LPP: variants seen among roughly 807,000 people sequenced by gnomAD.
LPP encodes the protein LIM domain containing preferred translocation partner in lipoma.
A neutral mutation model predicts 60.4 loss-of-function variants in LPP; 38 were observed. The observed-to-expected ratio is 0.63, with a 90% CI of 0.49 to 0.83. The LOEUF (loss-of-function observed/expected upper bound fraction) is 0.83, where lower values mean the gene tolerates loss of function less well. Among genes scored for constraint, LPP ranks in the 40% least tolerant of loss-of-function variants. The probability of loss-of-function intolerance (pLI) is 0.00; values close to 1 mark genes in which losing one functional copy is unlikely to be tolerated. For synonymous variants in LPP, 328 were observed against 290.8 expected, an observed-to-expected ratio of 1.13 and a Z score of -1.30; for missense variants, 902 against 783.6, an observed-to-expected ratio of 1.15 and a Z score of -1.80.
At chr3:188,308,369 A>G (rs2150226324) in intron 2 of LPP, among the ~76,000 whole-genome samples, 1 of 152,330 alleles carries the variant, frequency 6.6e-6, no homozygotes, top group East Asian at 1.9e-4. Flanking sequence ...AAGCAAGTAA[A>G]TGGGAATGTG....
At chr3:188,343,209 C>T (rs1249240809) in intron 3 of LPP, among the ~76,000 whole-genome samples, 2 of 152,106 alleles carry the variant, frequency 1.3e-5, no homozygotes, top group African/African-American at 4.8e-5. Context: ...TGTTCCCCTC[C>T]CTGTGTCCAT....
rs1771005827 is a variant in LPP at position 188,889,283 on chromosome 3, T to C, written c.*14804T>C. On this transcript the variant is annotated 3_prime_UTR_variant, in exon 12 of 12. Coordinates refer to ENST00000617246, the MANE Select transcript of LPP (RefSeq NM_001375462.1). ...CTGTTGATGGAGCAGCAGCATAGCC[T>C]AGAGTGATGCATTCTTACCCAGAGG... 1 of 231,162 alleles carries C rather than the reference T, an allele frequency of 4.3e-6. No individual in the cohort carries two copies. The highest frequency in any genetic ancestry group is 8.6e-6 in the Non-Finnish European group (1 of 116,776). 14.3% of individuals were successfully genotyped at this position (231,162 alleles called of 1,614,324 possible). A position where few individuals can be genotyped will look rare whatever the true frequency, so the allele number is the denominator to read the frequency against.
intron 4 of LPP, among the ~76,000 whole-genome samples, chr3:188,415,468 G>A (rs1487400828): frequency 6.6e-6 from 1 of 150,762 alleles, no homozygotes; most frequent in Non-Finnish European, 1.5e-5. Context: ...TTATGTTCAC[G>A]AAAAAACCTG....
intron 9 of LPP, among the ~76,000 whole-genome samples, chr3:188,765,804 G>C (rs1372865815): frequency 2.0e-5 from 3 of 147,490 alleles, no homozygotes; most frequent in Non-Finnish European, 4.5e-5. Context: ...AGCCTCGCAA[G>C]TAGCTAGGAC....
At chr3:188,680,317 C>T (rs1034218874) in intron 7 of LPP, among the ~76,000 whole-genome samples, 11 of 152,138 alleles carry the variant, frequency 7.2e-5, no homozygotes, top group African/African-American at 2.7e-4. Flanking sequence ...TGTCTCAGTT[C>T]TCTGTGACTT....
chr3:188,819,180 G>C lies in LPP; in HGVS notation c.1411-47020G>C, dbSNP rs530710007. ...CTTTTAATTTCAATTTTAGATTTTG[G>C]GGGTACATATGCAGGTTCGTTACAA... On this transcript the variant is annotated intron_variant, in intron 9 of 11. Transcript: ENST00000617246. 2.0e-5 allele frequency among the ~76,000 whole-genome samples: 3 copies of C among 151,852 alleles called. No homozygotes were observed. The East Asian group carries it at 5.8e-4, about 29-fold the overall frequency.
In LPP at chr3:188,225,525, T is replaced by C. The variant is rs539044377; in HGVS notation, c.-69T>C. 41 of 152,338 alleles carry C rather than the reference T, an allele frequency of 2.7e-4. No homozygotes were observed. Among genetic ancestry groups the C allele is most frequent in the Middle Eastern group, 6.8e-3 (2 of 294 alleles). 9.4% of individuals were successfully genotyped at this position (152,338 alleles called of 1,614,324 possible). A position where few individuals can be genotyped will look rare whatever the true frequency, so the allele number is the denominator to read the frequency against. On this transcript the variant is annotated splice_region_variant and 5_prime_UTR_variant, in exon 2 of 12. Coordinates refer to ENST00000617246, the MANE Select transcript of LPP (RefSeq NM_001375462.1). ...TCAGAGGGAAGATCTTTTTCCTCAA[T>C]TGGTGAGTCCCGCACACAAAAAGAA...
intron 2 of LPP, among the ~76,000 whole-genome samples, chr3:188,233,049 T>C (rs1720643559): frequency 6.6e-6 from 1 of 152,168 alleles, no homozygotes; most frequent in Non-Finnish European, 1.5e-5. Flanking sequence ...TCATGTCCTG[T>C]TTACACTGTC....
chr3:188,369,524 G>T (rs1772368115), intron 3 of LPP, among the ~76,000 whole-genome samples: 1 of 152,184 alleles, frequency 6.6e-6, no homozygotes, highest in African/African-American at 2.4e-5. Flanking sequence ...TTGTTGTGAG[G>T]ATTAAGTGAG....
intron 7 of LPP, among the ~76,000 whole-genome samples, chr3:188,693,570 AG>A (rs1332606293): frequency 6.6e-6 from 1 of 152,184 alleles, no homozygotes; most frequent in Non-Finnish European, 1.5e-5. Flanking sequence ...AGAAGACCAT[AG>A]GGCTGCATAG....
rs150503356 is a variant in LPP, at chr3:188,530,381, T to C, written c.429+5594T>C. 2.3e-4 allele frequency among the ~76,000 whole-genome samples: 35 copies of C among 152,368 alleles called. 1 individual carries two copies. The Middle Eastern group carries it at 0.01, about 44-fold the overall frequency. On this transcript the variant is annotated intron_variant, in intron 6 of 11. Transcript: ENST00000617246. ...TTGAAACCAAAATTTCTAAACATTT[T>C]AAATGTGTTTGTCAGGGAGTAGTTT...
At position 188,805,483 on chromosome 3, in the gene LPP, C is replaced by CT. The variant is rs1224088421; in HGVS notation, c.1410+45209dup. On this transcript the variant is annotated intron_variant, in intron 9 of 11. Transcript: ENST00000617246. ...GATATTTATAATTAATGTCTTATTT[C>CT]TTTTTTTTCTTCTTGGTAAGTCTGA... 1.9e-4 allele frequency among the ~76,000 whole-genome samples: 28 copies of CT among 150,738 alleles called. 1 individual carries two copies. Among genetic ancestry groups the CT allele is most frequent in the Admixed American group, 1.5e-3 (23 of 15,092 alleles).
Position 188,889,217 on chromosome 3 carries a change from C to A in LPP, c.*14738C>A, listed in dbSNP as rs1770998201. The A allele has an allele frequency of 4.4e-6, 1 of 229,854 alleles. No individual in the cohort carries two copies. The highest frequency in any genetic ancestry group is 5.7e-5 in the Admixed American group (1 of 17,692). 14.2% of individuals were successfully genotyped at this position (229,854 alleles called of 1,614,324 possible). The stretch of plus-strand genomic sequence containing the variant: ...AATAGTAGTGTATGTTATTTGATGG[C>A]TTTTGTTTCCATAGTTCCATCACTG... On this transcript the variant is annotated 3_prime_UTR_variant, in exon 12 of 12. Transcript: ENST00000617246.
intron 1 of LPP, among the ~76,000 whole-genome samples, chr3:188,163,105 C>T (rs2148715334): frequency 6.6e-6 from 1 of 152,256 alleles, no homozygotes; most frequent in Non-Finnish European, 1.5e-5. Flanking sequence ...TGCCACCATC[C>T]CACCTTCTCT....
At chr3:188,668,184 T>C (rs1355683174) in intron 7 of LPP, among the ~76,000 whole-genome samples, 2 of 152,178 alleles carry the variant, frequency 1.3e-5, no homozygotes, top group African/African-American at 2.4e-5. Context: ...CTGGTACATA[T>C]GGACTAGATT....
intron 6 of LPP, among the ~76,000 whole-genome samples, chr3:188,608,147 C>T (rs1842890487): frequency 1.3e-5 from 2 of 152,142 alleles, no homozygotes; most frequent in South Asian, 2.1e-4. Flanking sequence ...TAAGAACAGA[C>T]AAGGTGCACC....
chr3:188,235,528 G>A (rs558320821), intron 2 of LPP, among the ~76,000 whole-genome samples: 3 of 151,988 alleles, frequency 2.0e-5, no homozygotes, highest in African/African-American at 4.8e-5. Flanking sequence ...ATGTTTTTGT[G>A]TACATTTAAA....
chr3:188,469,058 C>G (rs1047039739), intron 4 of LPP, among the ~76,000 whole-genome samples: 3 of 152,120 alleles, frequency 2.0e-5, no homozygotes, highest in Non-Finnish European at 4.4e-5. Context: ...GTGAATGAAA[C>G]CCAAGGATTG....
intron 1 of LPP, among the ~76,000 whole-genome samples, chr3:188,176,254 T>C (rs766781868): frequency 6.6e-6 from 1 of 152,196 alleles, no homozygotes; most frequent in Non-Finnish European, 1.5e-5. Flanking sequence ...GTGCTACTAA[T>C]GTTGAAGAGA....
Sources: gnomAD v4.1 joint callset for allele counts (sites outside exome capture counted in the v4.1 genomes callset) on GRCh38, gnomAD v4.1.1 for gene constraint, MANE v1.5 for transcripts, NCBI Gene and HGNC (gene_info 2026-07-23, HGNC 2026-07-21) for gene names.